Variants in BSND observed in about 807,000 individuals in gnomAD.
BSND encodes the protein barttin.
Under a neutral mutation model 18.8 loss-of-function variants are expected in BSND, and 13 were observed. The observed-to-expected ratio is 0.69, with a 90% CI of 0.45 to 1.10. The LOEUF is 1.10. BSND is among the 50% of genes least tolerant of loss of function. BSND has a pLI of 0.00. For missense variants in BSND, 379 were observed against 416.7 expected (o/e 0.91, Z 0.79); for synonymous variants, 170 against 161.8 (o/e 1.05, Z -0.39).
In BSND at chr1:54,999,003, C is replaced by T; in HGVS notation, c.-184C>T. ...TCCGTTGAAGCGAGCCGCCTCCAGC[C>T]CTGTTGAACTGGTGGGCCCAGGGAC... On this transcript the variant is annotated 5_prime_UTR_variant, in exon 1 of 4. Coordinates refer to ENST00000651561, the MANE Select transcript of BSND (RefSeq NM_057176.3). The T allele has an allele frequency of 4.4e-6, 3 of 677,370 alleles. No individual in the cohort carries two copies. The highest frequency in any genetic ancestry group is 7.4e-6 in the Non-Finnish European group (3 of 404,780). The allele number at this position is 677,370 out of a possible 1,614,324, so 42.0% of individuals were successfully genotyped here. A position where few individuals can be genotyped will look rare whatever the true frequency, so the allele number is the denominator to read the frequency against.
chr1:55,006,302 C>T (rs1159947118), intron 2 of BSND, among the ~76,000 whole-genome samples: 1 of 152,174 alleles, frequency 6.6e-6, no homozygotes, highest in African/African-American at 2.4e-5. Flanking sequence ...GTTCTGAGCT[C>T]TTCCCAGTCA....
rs79445756 is a variant in BSND, at chr1:55,005,136, G to A, written c.272+20G>A. ...GAAGAGGTAGGTGCCAGGCCCTCTC[G>A]GGAGGGGAGGAGTAAGCCCCATAGG... On this transcript the variant is annotated intron_variant, in intron 2 of 3. Transcript: ENST00000651561. The A allele has an allele frequency of 8.1e-3, 13,007 of 1,612,026 alleles. 799 individuals carry two copies. The African/African-American group carries it at 0.14, about 18-fold the overall frequency.
Position 55,008,368 on chromosome 1 carries a change from C to T in BSND, c.703C>T (p.Leu235=), listed in dbSNP as rs760301805. The part of the protein sequence containing the change: ...QQEPQGCRCP[L]DRFQDFALID... ...GGAACCTCAGGGCTGCAGGTGCCCG[C>T]TGGACCGCTTCCAAGACTTTGCCCT... The change falls in exon 4 of 4, where the codon CTG becomes TTG. Residue 235 remains leucine, a synonymous_variant. Coordinates refer to ENST00000651561, the MANE Select transcript of BSND (RefSeq NM_057176.3). The T allele has an allele frequency of 9.3e-6, 15 of 1,614,136 alleles. No homozygotes were observed. The highest frequency in any genetic ancestry group is 1.3e-5 in the Non-Finnish European group (15 of 1,180,054).
Position 55,017,095 on chromosome 1 carries a change from T to C in BSND, c.*8467T>C, listed in dbSNP as rs921188396. Reference sequence around the variant, plus strand: ...AGCTCTGTGAAGGCAAGGACTCTATTACGTTCATTATTGTGCCCTCAGTGC... The same window carrying C: ...AGCTCTGTGAAGGCAAGGACTCTATCACGTTCATTATTGTGCCCTCAGTGC... On this transcript the variant is annotated 3_prime_UTR_variant, in exon 4 of 4. Transcript: ENST00000651561. Among the ~76,000 whole-genome samples, 4 of 152,226 alleles carry C rather than the reference T, an allele frequency of 2.6e-5. No individual in the cohort carries two copies. The highest frequency in any genetic ancestry group is 5.9e-5 in the Non-Finnish European group (4 of 68,038).
Position 55,005,811 on chromosome 1 carries a change from T to G in BSND, c.272+695T>G, listed in dbSNP as rs531278703. Among the ~76,000 whole-genome samples the G allele has an allele frequency of 5.7e-4, 86 of 152,046 alleles. 1 individual carries two copies. The highest frequency in any genetic ancestry group is 1.9e-3 in the African/African-American group (79 of 41,526). On this transcript the variant is annotated intron_variant, in intron 2 of 3. Coordinates refer to ENST00000651561, the MANE Select transcript of BSND (RefSeq NM_057176.3). Reference sequence around the variant, plus strand: ...CTAGGAAGATTGAGGCTCAGAGAAGTGTAGTCACTAGCCCCAAACCTCATG... The same window carrying G: ...CTAGGAAGATTGAGGCTCAGAGAAGGGTAGTCACTAGCCCCAAACCTCATG...
chr1:55,007,343 C>T (rs1409108469), intron 3 of BSND, 71 bp downstream of exon 3: 12 of 919,458 alleles, frequency 1.3e-5, no homozygotes, highest in African/African-American at 3.5e-5. Context: ...AGTGGGGGAC[C>T]GCCGAGGGGT....
At position 55,015,918 on chromosome 1, in the gene BSND, A is replaced by G. The variant is rs1644447747; in HGVS notation, c.*7290A>G. ...ATTCGCTAGGGAAGAGCAGGGAGGG[A>G]GAACAGCTTGGGCGAAGCCTCCAGC... On this transcript the variant is annotated 3_prime_UTR_variant, in exon 4 of 4. Coordinates refer to ENST00000651561, the MANE Select transcript of BSND (RefSeq NM_057176.3). Among the ~76,000 whole-genome samples the G allele has an allele frequency of 6.6e-6, 1 of 152,186 alleles. No individual in the cohort carries two copies. Among genetic ancestry groups the G allele is most frequent in the Non-Finnish European group, 1.5e-5 (1 of 68,034 alleles).
intron 3 of BSND, 89 bp from the exon 4 acceptor site, chr1:55,008,125 A>AC (rs1644400743): frequency 9.0e-6 from 10 of 1,115,694 alleles, no homozygotes; most frequent in Non-Finnish European, 1.3e-5. Context: ...GGATTATCCT[A>AC]CCCTAGGTCT....
intron 3 of BSND, 62 bp downstream of exon 3, chr1:55,007,334 G>C: frequency 6.6e-7 from 1 of 1,517,416 alleles, no homozygotes; most frequent in Non-Finnish European, 8.8e-7. Context: ...AAGGAGAGGA[G>C]TGGGGGACCG....
intron 1 of BSND, among the ~76,000 whole-genome samples, chr1:55,000,790 C>T (rs757069657): frequency 6.6e-6 from 1 of 152,194 alleles, no homozygotes; most frequent in Non-Finnish European, 1.5e-5. Flanking sequence ...TCCTTGGGGC[C>T]AAAGCCACTC....
In BSND at chr1:55,012,083, G is replaced by T. The variant is rs1447055967; in HGVS notation, c.*3455G>T. Among the ~76,000 whole-genome samples, 1 of 152,194 alleles carries T rather than the reference G, an allele frequency of 6.6e-6. No individual in the cohort carries two copies. Among genetic ancestry groups the T allele is most frequent in the East Asian group, 1.9e-4 (1 of 5,188 alleles). Reference sequence around the variant, plus strand: ...TCTGGAGAGGGAAAGGCCCTGGAGGGATGGCCCCTGCCCTTAACTGGAAAG... The same window carrying T: ...TCTGGAGAGGGAAAGGCCCTGGAGGTATGGCCCCTGCCCTTAACTGGAAAG... On this transcript the variant is annotated 3_prime_UTR_variant, in exon 4 of 4. Coordinates refer to ENST00000651561, the MANE Select transcript of BSND (RefSeq NM_057176.3).
intron 3 of BSND, 48 bp from the exon 4 acceptor site, chr1:55,008,166 C>T (rs1314419219): frequency 6.5e-7 from 1 of 1,537,722 alleles, no homozygotes; most frequent in Non-Finnish European, 9.0e-7. Flanking sequence ...TGGACCCAGG[C>T]ATTCTGACTC....
In BSND at chr1:55,016,679, C is replaced by T. The variant is rs2100218107; in HGVS notation, c.*8051C>T. 6.6e-6 allele frequency among the ~76,000 whole-genome samples: 1 copy of T among 152,352 alleles called. No homozygotes were observed. Among genetic ancestry groups the T allele is most frequent in the East Asian group, 1.9e-4 (1 of 5,190 alleles). Reference sequence around the variant, plus strand: ...TCAAACTCCTGGATCAAGTGATCCTCTGGCCTCAGCCTCCTGAGTAGCTGG... The same window carrying T: ...TCAAACTCCTGGATCAAGTGATCCTTTGGCCTCAGCCTCCTGAGTAGCTGG... On this transcript the variant is annotated 3_prime_UTR_variant, in exon 4 of 4. Coordinates refer to ENST00000651561, the MANE Select transcript of BSND (RefSeq NM_057176.3).
At position 55,012,288 on chromosome 1, in the gene BSND, T is replaced by C. The variant is rs1427932193; in HGVS notation, c.*3660T>C. Among the ~76,000 whole-genome samples, 3 of 152,182 alleles carry C rather than the reference T, an allele frequency of 2.0e-5. No homozygotes were observed. The highest frequency in any genetic ancestry group is 2.9e-5 in the Non-Finnish European group (2 of 68,018). On this transcript the variant is annotated 3_prime_UTR_variant, in exon 4 of 4. Coordinates refer to ENST00000651561, the MANE Select transcript of BSND (RefSeq NM_057176.3). Reference sequence around the variant, plus strand: ...CCTGAGCACTGTGTGCCTGTCACCATGCAAGACACCGTCACCCCTATTACC... The same window carrying C: ...CCTGAGCACTGTGTGCCTGTCACCACGCAAGACACCGTCACCCCTATTACC...
At chr1:54,999,459 T>C in intron 1 of BSND, 96 bp downstream of exon 1, 1 of 1,310,702 alleles carries the variant, frequency 7.6e-7, no homozygotes, top group Non-Finnish European at 1.0e-6. Flanking sequence ...TATCCTTTAG[T>C]TGTCTTTTCA....
chr1:55,016,477 C>T lies in BSND; in HGVS notation c.*7849C>T, dbSNP rs530063827. ...TGTGGAGGAACAGAGCTCTTTCTGACGTTGCTGATGTGAATGGGAGTGGTG... is the reference window on the plus strand; with the variant it reads ...TGTGGAGGAACAGAGCTCTTTCTGATGTTGCTGATGTGAATGGGAGTGGTG... On this transcript the variant is annotated 3_prime_UTR_variant, in exon 4 of 4. Coordinates refer to ENST00000651561, the MANE Select transcript of BSND (RefSeq NM_057176.3). Among the ~76,000 whole-genome samples, 6 of 152,344 alleles carry T rather than the reference C, an allele frequency of 3.9e-5. No homozygotes were observed. The highest frequency in any genetic ancestry group is 4.1e-4 in the South Asian group (2 of 4,826).
chr1:55,000,562 C>G (rs1644356552), intron 1 of BSND, among the ~76,000 whole-genome samples: 1 of 152,232 alleles, frequency 6.6e-6, no homozygotes, highest in African/African-American at 2.4e-5. Context: ...CTCCTCCCAC[C>G]TGGGTGGCTG....
chr1:55,005,167 C>G, intron 2 of BSND, 51 bp downstream of exon 2: 2 of 1,546,504 alleles, frequency 1.3e-6, no homozygotes, highest in Non-Finnish European at 8.9e-7. Context: ...ATAGGCCAGT[C>G]TCCCCTGACT....
chr1:55,003,851 C>A (rs766816570), intron 1 of BSND, among the ~76,000 whole-genome samples: 9 of 152,010 alleles, frequency 5.9e-5, no homozygotes, highest in Non-Finnish European at 1.2e-4. Flanking sequence ...TTTTAAAACT[C>A]ATGGTAAAAT....
Sources: gnomAD v4.1 joint callset for allele counts (sites outside exome capture counted in the v4.1 genomes callset) on GRCh38, gnomAD v4.1.1 for gene constraint, MANE v1.5 for transcripts, NCBI Gene and HGNC (gene_info 2026-07-23, HGNC 2026-07-21) for gene names.